Variants in SLC35F4 observed in about 807,000 individuals in gnomAD.
The protein encoded by SLC35F4 is chromosome 14 open reading frame 36.
In SLC35F4, 24 loss-of-function variants were observed where a neutral mutation model predicts 44.2. That is an observed-to-expected ratio of 0.54 (90% CI 0.39 to 0.76). SLC35F4 has a LOEUF of 0.76. SLC35F4 is among the 30% of genes least tolerant of loss of function. The probability of loss-of-function intolerance (pLI) is 0.00; values close to 1 mark genes in which losing one functional copy is unlikely to be tolerated. For missense variants in SLC35F4, 562 were observed against 586.1 expected (o/e 0.96, Z 0.42); for synonymous variants, 238 against 223.6 (o/e 1.06, Z -0.57).
At chr14:57,905,381 G>T (rs1444963673) in intron 1 of SLC35F4, among the ~76,000 whole-genome samples, 1 of 152,188 alleles carries the variant, frequency 6.6e-6, no homozygotes, top group Non-Finnish European at 1.5e-5. Flanking sequence ...TTCTTCCACA[G>T]TATTTCTATC....
intron 1 of SLC35F4, among the ~76,000 whole-genome samples, chr14:57,718,589 A>G (rs879587215): frequency 5.9e-5 from 9 of 152,168 alleles, no homozygotes; most frequent in Non-Finnish European, 1.0e-4. Flanking sequence ...TTCTCTGATG[A>G]TCAATAATGT....
rs546014389 is a variant in SLC35F4, at chr14:57,597,962, TA to T, written c.104-3839del. 7.2e-5 allele frequency among the ~76,000 whole-genome samples: 11 copies of T among 152,232 alleles called. No homozygotes were observed. In the East Asian group the frequency reaches 9.6e-4, roughly 13 times the overall value. ...AGACCTCGTAAACAAAAATGACTAT[TA>T]GGGGCCATTTATTAAATAGAATATT... On this transcript the variant is annotated intron_variant, in intron 1 of 7. Coordinates refer to ENST00000556826, the MANE Select transcript of SLC35F4 (RefSeq NM_001306087.2).
At chr14:57,870,706 G>T (rs1405962951), upstream of SLC35F4, among the ~76,000 whole-genome samples, 1 of 152,154 alleles carries the variant, frequency 6.6e-6, no homozygotes, top group Non-Finnish European at 1.5e-5. Context: ...CACATCGTGG[G>T]TACACAATAA....
chr14:57,879,056 T>C (rs1027640826), intron 1 of SLC35F4, among the ~76,000 whole-genome samples: 39 of 152,256 alleles, frequency 2.6e-4, no homozygotes, highest in African/African-American at 9.1e-4. Context: ...AAACAAGTCA[T>C]GATCCACTTC....
chr14:57,875,256 GA>G, intron 1 of SLC35F4, among the ~76,000 whole-genome samples: 1 of 152,298 alleles, frequency 6.6e-6, no homozygotes. Flanking sequence ...ATGCAAAGGT[GA>G]TAAGCACATG....
intron 1 of SLC35F4, among the ~76,000 whole-genome samples, chr14:57,747,226 G>A (rs2076778808): frequency 6.6e-6 from 1 of 152,178 alleles, no homozygotes; most frequent in Non-Finnish European, 1.5e-5. Flanking sequence ...GAGTCATAAA[G>A]TTGAGAGCCT....
Position 57,758,673 on chromosome 14 carries a change from T to C in SLC35F4, c.103+107050A>G, listed in dbSNP as rs567132489. Among the ~76,000 whole-genome samples, 6 of 152,254 alleles carry C rather than the reference T, an allele frequency of 3.9e-5. No homozygotes were observed. The East Asian group carries it at 9.7e-4, about 24-fold the overall frequency. ...GGATTTTTCTCTTTATTATGGGTCA[T>C]ATTTTTGCTTATTTTTAAGCGTGGT... On this transcript the variant is annotated intron_variant, in intron 1 of 7. Transcript: ENST00000556826.
intron 1 of SLC35F4, among the ~76,000 whole-genome samples, chr14:57,726,035 G>A (rs1050016772): frequency 3.3e-5 from 5 of 152,134 alleles, no homozygotes; most frequent in Non-Finnish European, 7.3e-5. Flanking sequence ...GATACTTTGG[G>A]ATCCTCTTAC....
At chr14:57,566,842 G>A (rs1379677979) in intron 6 of SLC35F4, among the ~76,000 whole-genome samples, 1 of 152,210 alleles carries the variant, frequency 6.6e-6, no homozygotes, top group Non-Finnish European at 1.5e-5. Context: ...TCACAGGACT[G>A]TTTATTAGCA....
intron 1 of SLC35F4, among the ~76,000 whole-genome samples, chr14:57,892,841 A>C (rs942697383): frequency 4.6e-5 from 7 of 152,180 alleles, no homozygotes; most frequent in African/African-American, 7.2e-5. Context: ...AACAAAAAAA[A>C]AGTTCTCTCT....
chr14:57,603,439 T>C (rs1293862888), intron 1 of SLC35F4, among the ~76,000 whole-genome samples: 1 of 152,174 alleles, frequency 6.6e-6, no homozygotes, highest in African/African-American at 2.4e-5. Flanking sequence ...ATATAAGTCT[T>C]AATGGGAAAC....
chr14:57,651,311 A>C (rs2073774056), intron 1 of SLC35F4, among the ~76,000 whole-genome samples: 1 of 152,192 alleles, frequency 6.6e-6, no homozygotes, highest in African/African-American at 2.4e-5. Context: ...GTAATGACCT[A>C]CTGGAGTTTC....
chr14:57,681,979 A>C (rs2074919995), intron 1 of SLC35F4, among the ~76,000 whole-genome samples: 1 of 152,236 alleles, frequency 6.6e-6, no homozygotes, highest in Non-Finnish European at 1.5e-5. Context: ...GGCAATCACT[A>C]AAAAGTTAGG....
At chr14:57,652,952 C>T (rs1012197352) in intron 1 of SLC35F4, among the ~76,000 whole-genome samples, 1 of 152,170 alleles carries the variant, frequency 6.6e-6, no homozygotes, top group Non-Finnish European at 1.5e-5. Context: ...TTATTTAGTG[C>T]TGATGCTGTA....
intron 3 of SLC35F4, among the ~76,000 whole-genome samples, chr14:57,588,214 A>G (rs1203794375): frequency 1.3e-5 from 2 of 152,228 alleles, no homozygotes; most frequent in African/African-American, 4.8e-5. Flanking sequence ...TAAGTTTATA[A>G]GAAGAGTCGT....
chr14:57,648,608 T>A (rs1421517787), intron 1 of SLC35F4, among the ~76,000 whole-genome samples: 3 of 152,178 alleles, frequency 2.0e-5, no homozygotes, highest in Non-Finnish European at 2.9e-5. Flanking sequence ...TCCTCTCCCC[T>A]TTTCTTATTT....
At chr14:57,601,780 CCTA>C (rs1410590921) in intron 1 of SLC35F4, among the ~76,000 whole-genome samples, 1 of 152,028 alleles carries the variant, frequency 6.6e-6, no homozygotes, top group Non-Finnish European at 1.5e-5. Flanking sequence ...AATAAAAATG[CCTA>C]CTATTTAATT....
chr14:57,769,504 G>A (rs927529662), intron 1 of SLC35F4, among the ~76,000 whole-genome samples: 3 of 152,200 alleles, frequency 2.0e-5, no homozygotes, highest in Admixed American at 2.0e-4. Flanking sequence ...TAATTTCAGT[G>A]TCACAAATCC....
intron 1 of SLC35F4, among the ~76,000 whole-genome samples, chr14:57,920,808 T>C (rs1045405060): frequency 6.6e-5 from 10 of 152,264 alleles, no homozygotes; most frequent in Non-Finnish European, 1.5e-4. Context: ...CCCAATAAGC[T>C]TTAGTATTTG....
Sources: gnomAD v4.1 joint callset for allele counts (sites outside exome capture counted in the v4.1 genomes callset) on GRCh38, gnomAD v4.1.1 for gene constraint, MANE v1.5 for transcripts, NCBI Gene and HGNC (gene_info 2026-07-23, HGNC 2026-07-21) for gene names.